Variants in CHSY3 observed in about 807,000 individuals in gnomAD.
CHSY3 encodes the protein N-acetylgalactosaminyl-proteoglycan 3-beta-glucuronosyltransferase 3.
In CHSY3, 35 loss-of-function variants were observed where a neutral mutation model predicts 67.2. The ratio of observed to expected loss-of-function variants is 0.52; its 90% confidence interval spans 0.40 to 0.69. The LOEUF (loss-of-function observed/expected upper bound fraction) is 0.69. Ranked by LOEUF, CHSY3 falls within the 30% of genes least tolerant of loss-of-function variation. CHSY3 has a pLI of 0.00. For synonymous variants in CHSY3, 474 were observed against 434.7 expected (o/e 1.09, Z -1.12); for missense variants, 1,069 against 1,138.5 (o/e 0.94, Z 0.88).
intron 2 of CHSY3, among the ~76,000 whole-genome samples, chr5:130,155,513 C>A (rs1769355245): frequency 6.6e-6 from 1 of 152,190 alleles, no homozygotes; most frequent in Non-Finnish European, 1.5e-5. Context: ...TTTTCCTCTA[C>A]TGAGTTTCTA....
intron 2 of CHSY3, among the ~76,000 whole-genome samples, chr5:129,916,628 A>G (rs747758669): frequency 3.3e-5 from 5 of 152,236 alleles, no homozygotes; most frequent in Non-Finnish European, 7.3e-5. Context: ...CTCATAAAAT[A>G]TGAAAAAATA....
intron 2 of CHSY3, among the ~76,000 whole-genome samples, chr5:130,167,677 CT>C (rs1483498886): frequency 6.6e-6 from 1 of 152,004 alleles, no homozygotes; most frequent in Non-Finnish European, 1.5e-5. Context: ...AATCTTAAAA[CT>C]TTTAAGTATT....
At chr5:129,994,923 G>A (rs1464361877) in intron 2 of CHSY3, among the ~76,000 whole-genome samples, 6 of 151,964 alleles carry the variant, frequency 3.9e-5, no homozygotes, top group Non-Finnish European at 8.8e-5. Flanking sequence ...GGGAGGGATA[G>A]CATTAGGAGA....
rs73788406 is a variant in CHSY3, at chr5:130,138,717, G to A, written c.1087-45512G>A. Among the ~76,000 whole-genome samples, 741 of 152,266 alleles carry A rather than the reference G, an allele frequency of 4.9e-3. 10 individuals carry two copies. Among genetic ancestry groups the A allele is most frequent in the African/African-American group, 0.016 (675 of 41,560 alleles). On this transcript the variant is annotated intron_variant, in intron 2 of 2. Coordinates refer to ENST00000305031, the MANE Select transcript of CHSY3 (RefSeq NM_175856.5). ...CACATAGAGAATAAACCCTTAATCTGATTTAGCAATCAGCAAAAGATTGCT... is the reference window on the plus strand; with the variant it reads ...CACATAGAGAATAAACCCTTAATCTAATTTAGCAATCAGCAAAAGATTGCT...
intron 2 of CHSY3, among the ~76,000 whole-genome samples, chr5:129,947,015 C>T (rs887863304): frequency 2.6e-5 from 4 of 152,116 alleles, no homozygotes; most frequent in Non-Finnish European, 4.4e-5. Context: ...TCCGTTCTCA[C>T]ACTGCTAATA....
rs372062970 is a variant in CHSY3, at chr5:130,143,734, G to GTATATA, written c.1087-40477_1087-40472dup. 2.0e-3 allele frequency among the ~76,000 whole-genome samples: 185 copies of GTATATA among 94,648 alleles called. 1 individual carries two copies. Among genetic ancestry groups the GTATATA allele is most frequent in the Non-Finnish European group, 2.8e-3 (143 of 50,272 alleles). The allele number at this position is 94,648 out of a possible 152,430, so 62.1% of individuals were successfully genotyped here. A position where few individuals can be genotyped will look rare whatever the true frequency, so the allele number is the denominator to read the frequency against. ...TATATATATATATGTGTGTGTGTGT[G>GTATATA]TATATATATATATATATATATATGT... is the stretch of plus-strand genomic sequence containing the variant. On this transcript the variant is annotated intron_variant, in intron 2 of 2. Coordinates refer to ENST00000305031, the MANE Select transcript of CHSY3 (RefSeq NM_175856.5).
intron 2 of CHSY3, chr5:130,001,516 G>A: frequency 1.0e-6 from 1 of 960,632 alleles, no homozygotes; most frequent in Non-Finnish European, 1.2e-6. Flanking sequence ...GAAGGGCCTG[G>A]GATGAGAACC....
intron 2 of CHSY3, among the ~76,000 whole-genome samples, chr5:130,138,209 G>T (rs995094647): frequency 2.0e-5 from 3 of 152,174 alleles, no homozygotes; most frequent in Non-Finnish European, 4.4e-5. Context: ...AGCAAAAGAG[G>T]CACAGCTGGG....
chr5:130,052,836 G>A (rs1023276332), intron 2 of CHSY3, among the ~76,000 whole-genome samples: 1 of 152,012 alleles, frequency 6.6e-6, no homozygotes, highest in Admixed American at 6.6e-5. Context: ...TTTTCTCAAT[G>A]CTACATAAGA....
At chr5:130,096,322 C>A (rs1380472148) in intron 2 of CHSY3, among the ~76,000 whole-genome samples, 1 of 152,180 alleles carries the variant, frequency 6.6e-6, no homozygotes, top group African/African-American at 2.4e-5. Context: ...CAGGCGCATG[C>A]TACCATACCC....
chr5:129,979,126 G>A (rs1388038725), intron 2 of CHSY3, among the ~76,000 whole-genome samples: 1 of 150,392 alleles, frequency 6.6e-6, no homozygotes, highest in Non-Finnish European at 1.5e-5. Flanking sequence ...CGTGAACCTG[G>A]GAGGCAGAGC....
Position 130,138,743 on chromosome 5 carries a change from A to G in CHSY3, c.1087-45486A>G, listed in dbSNP as rs143902593. On this transcript the variant is annotated intron_variant, in intron 2 of 2. Transcript: ENST00000305031. ...ATTTAGCAATCAGCAAAAGATTGCT[A>G]AAGTGGTGATAAATTATGAGATAAG... 2.0e-3 allele frequency among the ~76,000 whole-genome samples: 307 copies of G among 152,342 alleles called. 1 individual carries two copies. The highest frequency in any genetic ancestry group is 6.8e-3 in the African/African-American group (282 of 41,582).
At chr5:130,099,832 T>G (rs1767170351) in intron 2 of CHSY3, among the ~76,000 whole-genome samples, 1 of 152,144 alleles carries the variant, frequency 6.6e-6, no homozygotes, top group African/African-American at 2.4e-5. Context: ...AAAGCCAACC[T>G]CTACCGAGCT....
intron 2 of CHSY3, among the ~76,000 whole-genome samples, chr5:130,079,690 G>A (rs3853509): frequency 0.056 from 8,463 of 152,106 alleles, 353 homozygotes; most frequent in Non-Finnish European, 0.082. Flanking sequence ...CCCAAGTCTT[G>A]TTCTTTTATC....
chr5:130,185,314 A>G lies in CHSY3; in HGVS notation c.2172A>G (p.Arg724=). The change falls in exon 3 of 3, where the codon AGA becomes AGG. Residue 724 remains arginine (R), a synonymous_variant. Coordinates refer to ENST00000305031, the MANE Select transcript of CHSY3 (RefSeq NM_175856.5). ...LLFCDVDLIF[R]EDFLQRCRDN... ...TTTGTGATGTTGACTTGATCTTCAG[A>G]GAAGATTTTCTCCAACGATGTAGAG... The G allele has an allele frequency of 6.2e-7, 1 of 1,610,920 alleles. No homozygotes were observed. The highest frequency in any genetic ancestry group is 8.5e-7 in the Non-Finnish European group (1 of 1,177,116).
intron 2 of CHSY3, among the ~76,000 whole-genome samples, chr5:130,019,648 T>C (rs957362906): frequency 3.3e-5 from 5 of 152,224 alleles, no homozygotes; most frequent in African/African-American, 9.7e-5. Flanking sequence ...CTCGTTTATC[T>C]TTCCCTGGTA....
chr5:130,110,524 A>G (rs186765473), intron 2 of CHSY3, among the ~76,000 whole-genome samples: 32 of 152,118 alleles, frequency 2.1e-4, no homozygotes, highest in African/African-American at 7.0e-4. Flanking sequence ...TTTGGCTTTC[A>G]TTCTGCCCAG....
In CHSY3 at chr5:130,184,944, T is replaced by C. The variant is rs191031651; in HGVS notation, c.1802T>C (p.Leu601Ser). Residue 601 changes from leucine (L) to serine (S), a missense_variant, in exon 3 of 3, where the codon TTA (leucine) becomes TCA (serine). Physicochemically the swap from Leu to Ser is moderately radical, Grantham distance 145 (BLOSUM62 -2). Around this residue, in one of 5 missense-constraint regions of CHSY3, gnomAD observed 401 missense variants for 395.2 expected, o/e 1.01. Coordinates refer to ENST00000305031, the MANE Select transcript of CHSY3 (RefSeq NM_175856.5). ...TQSFSFISNSLKILSSFQGAK... is the reference protein window; with the variant it reads ...TQSFSFISNSSKILSSFQGAK... The stretch of plus-strand genomic sequence containing the variant: ...TCATTCTCCTTTATATCTAATTCTT[T>C]AAAGATATTATCTTCTTTTCAAGGT... 1.7e-5 allele frequency: 26 copies of C among 1,559,588 alleles called. No individual in the cohort carries two copies. The East Asian group carries it at 5.8e-4, about 35-fold the overall frequency.
rs75418699 is a variant in CHSY3, at chr5:130,042,633, C to T, written c.1086+134273C>T. Among the ~76,000 whole-genome samples, 852 of 152,072 alleles carry T rather than the reference C, an allele frequency of 5.6e-3. 6 individuals carry two copies. Among genetic ancestry groups the T allele is most frequent in the African/African-American group, 0.02 (818 of 41,496 alleles). ...TCTATAAGATTTTTTTATTTTTTAA[C>T]CATGGTGCATTAGAGATAAAATCAA... On this transcript the variant is annotated intron_variant, in intron 2 of 2. Coordinates refer to ENST00000305031, the MANE Select transcript of CHSY3 (RefSeq NM_175856.5).
Sources: gnomAD v4.1 joint callset for allele counts (sites outside exome capture counted in the v4.1 genomes callset) on GRCh38, gnomAD v4.1.1 for gene constraint, gnomAD v4.1.1 regional missense constraint, MANE v1.5 for transcripts, NCBI Gene and HGNC (gene_info 2026-07-23, HGNC 2026-07-21) for gene names.